Variants in ITIH3 observed in about 807,000 individuals in gnomAD.
The protein encoded by ITIH3 is inter-alpha-trypsin inhibitor heavy chain 3, also known as inter-alpha-trypsin inhibitor heavy chain H3.
Under a neutral mutation model 96.5 loss-of-function variants are expected in ITIH3, and 81 were observed. The ratio of observed to expected loss-of-function variants is 0.84; its 90% CI spans 0.70 to 1.01. The LOEUF (loss-of-function observed/expected upper bound fraction) is 1.01, where lower values mean the gene tolerates loss of function less well. Among genes scored for constraint, ITIH3 ranks in the 50% least tolerant of loss-of-function variants. The pLI, the probability that ITIH3 is intolerant of heterozygous loss-of-function variation, is 0.00. For synonymous variants in ITIH3, 422 were observed against 445.2 expected (o/e 0.95, Z 0.66); for missense variants, 1,057 against 1,139.3 (o/e 0.93, Z 1.04).
chr3:52,806,256 G>A, intron 17 of ITIH3, 37 bp from the exon 18 acceptor site: 1 of 1,602,976 alleles, frequency 6.2e-7, no homozygotes, highest in Non-Finnish European at 8.5e-7. Context: ...ATGATGAGAG[G>A]CCCCGGGAGT....
chr3:52,796,775 G>T lies in ITIH3; in HGVS notation c.318G>T (p.Lys106Asn), dbSNP rs1559469958. ...GTGTTACCTACCCTGGGAATGTCAA[G>T]GAGAAGGAAGTTGCCAAGAAGCAGT... is the stretch of plus-strand genomic sequence containing the variant. ...IDGVTYPGNVKEKEVAKKQYE... is the reference protein window; with the variant it reads ...IDGVTYPGNVNEKEVAKKQYE... The change falls in exon 4 of 22, where the codon AAG (lysine) becomes AAT (asparagine). Residue 106 changes from lysine (K) to asparagine (N), a missense_variant. Coordinates refer to ENST00000449956, the MANE Select transcript of ITIH3 (RefSeq NM_002217.4). 6.2e-7 allele frequency: 1 copy of T among 1,613,050 alleles called. No individual in the cohort carries two copies. Among genetic ancestry groups the T allele is most frequent in the South Asian group, 1.1e-5 (1 of 90,792 alleles).
intron 15 of ITIH3, chr3:52,805,303 T>C (rs1259035063): frequency 1.6e-5 from 16 of 1,005,692 alleles, no homozygotes; most frequent in Admixed American, 5.4e-5. Flanking sequence ...CCACCTCCAT[T>C]TGGACTGGCA....
In ITIH3 at chr3:52,799,921, A is replaced by G; in HGVS notation, c.1075A>G (p.Met359Val). 6.2e-7 allele frequency: 1 copy of G among 1,613,170 alleles called. No homozygotes were observed. The highest frequency in any genetic ancestry group is 1.3e-5 in the African/African-American group (1 of 75,004). Reference protein sequence around the residue: ...TFVKSMEDKGMTNINDGLLRG... With the variant: ...TFVKSMEDKGVTNINDGLLRG... ...TGTGAAGAGCATGGAGGATAAAGGA[A>G]GTAAGAGCGGAGCTGGAGCCCACAC... Residue 359 changes from methionine (M) to valine (V), a missense_variant and splice_region_variant, in exon 9 of 22, where the codon ATG becomes GTG. Physicochemically the swap from Met to Val is conservative, Grantham distance 21. Coordinates refer to ENST00000449956, the MANE Select transcript of ITIH3 (RefSeq NM_002217.4).
rs1167682463 is a variant in ITIH3 at position 52,795,519 on chromosome 3, T to G, written c.94-84T>G. ...GCAGGGCACCACTGAACCCCTGGTC[T>G]CAGCCCAGAGCCTCCCAGGCCATGC... is the stretch of plus-strand genomic sequence containing the variant. On this transcript the variant is annotated intron_variant, in intron 1 of 21. Transcript: ENST00000449956. 8 of 1,482,012 alleles carry G rather than the reference T, an allele frequency of 5.4e-6. No homozygotes were observed. In the Admixed American group the frequency reaches 8.0e-5, roughly 15 times the overall value. The allele number at this position is 1,482,012 out of a possible 1,614,324, so 91.8% of individuals were successfully genotyped here.
At chr3:52,802,004 TCTTA>T (rs919510726) in intron 11 of ITIH3, among the ~76,000 whole-genome samples, 2 of 144,318 alleles carry the variant, frequency 1.4e-5, no homozygotes, top group African/African-American at 2.9e-5. Context: ...CATCTGCCTC[TCTTA>T]CTTCCTTTTC....
intron 12 of ITIH3, 60 bp downstream of exon 12, chr3:52,802,579 C>T (rs1699878327): frequency 6.2e-7 from 1 of 1,610,914 alleles, no homozygotes; most frequent in African/African-American, 1.3e-5. Context: ...TGGTAGGGCT[C>T]TGGCCTCATG....
In ITIH3 at chr3:52,806,139, G is replaced by A. The variant is rs111816261; in HGVS notation, c.1942+1G>A. The A allele has an allele frequency of 1.2e-6, 2 of 1,602,602 alleles. No homozygotes were observed. The highest frequency in any genetic ancestry group is 2.2e-5 in the South Asian group (2 of 89,030). ...CCTCCTCAAAACCCCTACTACTATG[G>A]TGAGTCCCTGGCTGCTCCTCGGGAA... On this transcript the variant is annotated splice_donor_variant, in intron 17 of 21. Transcript: ENST00000449956. LOFTEE classifies it high-confidence loss of function.
rs1221158213 is a variant in ITIH3, at chr3:52,798,960, C to A, written c.664-6C>A. 6.2e-7 allele frequency: 1 copy of A among 1,612,654 alleles called. No homozygotes were observed. Among genetic ancestry groups the A allele is most frequent in the South Asian group, 1.1e-5 (1 of 90,626 alleles). On this transcript the variant is annotated splice_polypyrimidine_tract_variant and splice_region_variant and intron_variant, in intron 6 of 21. Transcript: ENST00000449956. ...CTGAGCAAGGTCTTTCATCTCCATC[C>A]CTTAGGGCCATGTGTCCTTCAAGCC...
chr3:52,800,459 C>T (rs960765136), intron 9 of ITIH3, 79 bp from the exon 10 acceptor site: 27 of 1,524,550 alleles, frequency 1.8e-5, no homozygotes, highest in Admixed American at 1.6e-4. Flanking sequence ...CCGGCTGTCC[C>T]GGCCTCCTCC....
intron 1 of ITIH3, 148 bp from the exon 2 acceptor site, chr3:52,795,455 G>A: frequency 8.1e-6 from 6 of 741,792 alleles, no homozygotes; most frequent in East Asian, 5.4e-5. Flanking sequence ...TGTGGCTCTG[G>A]AGGGTCCTAT....
At position 52,808,602 on chromosome 3, in the gene ITIH3, T is replaced by C. The variant is rs750367368; in HGVS notation, c.2594T>C (p.Val865Ala). The C allele has an allele frequency of 3.1e-6, 5 of 1,614,056 alleles. No homozygotes were observed. Among genetic ancestry groups the C allele is most frequent in the Non-Finnish European group, 3.4e-6 (4 of 1,179,886 alleles). ...GATGCCAGCATCGGCACGAAGGTTG[T>C]CTGCTGGTTCGTCCACAACAACGGA... ...RKDASIGTKVVCWFVHNNGEG... is the reference protein window; with the variant it reads ...RKDASIGTKVACWFVHNNGEG... The change falls in exon 22 of 22, where the codon GTC becomes GCC. Residue 865 changes from valine (V) to alanine (A), a missense_variant. Physicochemically the swap from Val to Ala is moderately conservative, Grantham distance 64 (BLOSUM62 0). Transcript: ENST00000449956.
At chr3:52,804,448 G>C in intron 14 of ITIH3, 1 of 479,650 alleles carries the variant, frequency 2.1e-6, no homozygotes, top group East Asian at 3.7e-5. Context: ...CTCAACAGGG[G>C]GTCCCAAATG....
At position 52,808,563 on chromosome 3, in the gene ITIH3, A is replaced by C. The variant is rs1700138881; in HGVS notation, c.2555A>C (p.Lys852Thr). The change falls in exon 22 of 22, where the codon AAA (lysine) becomes ACA (threonine). Residue 852 changes from lysine to threonine, a missense_variant. Physicochemically the swap from Lys to Thr is moderately conservative, Grantham distance 78 (BLOSUM62 -1). Coordinates refer to ENST00000449956, the MANE Select transcript of ITIH3 (RefSeq NM_002217.4). ...HQLIVTRGSQ[K>T]DYRKDASIGT... ...TCTTCTTTCCCCAGGGGCTCCCAGA[A>C]AGACTACAGAAAGGATGCCAGCATC... 1 of 1,613,682 alleles carries C rather than the reference A, an allele frequency of 6.2e-7. No individual in the cohort carries two copies. Among genetic ancestry groups the C allele is most frequent in the Non-Finnish European group, 8.5e-7 (1 of 1,179,750 alleles).
In ITIH3 at chr3:52,803,882, G is replaced by A; in HGVS notation, c.1737G>A (p.Glu579=). The A allele has an allele frequency of 6.2e-7, 1 of 1,614,008 alleles. No homozygotes were observed. The highest frequency in any genetic ancestry group is 1.6e-4 in the Middle Eastern group (1 of 6,062). The part of the protein sequence containing the change: ...KRKNAHGEEK[E]NLTARALDLS... Reference sequence around the variant, plus strand: ...AGAACGCCCATGGCGAGGAGAAGGAGAACCTCACGGCCCGGGCCCTGGACC... The same window carrying A: ...AGAACGCCCATGGCGAGGAGAAGGAAAACCTCACGGCCCGGGCCCTGGACC... The change falls in exon 14 of 22, where the codon GAG becomes GAA. Residue 579 remains glutamate, a synonymous_variant. Coordinates refer to ENST00000449956, the MANE Select transcript of ITIH3 (RefSeq NM_002217.4).
chr3:52,800,801 G>A (rs1699803273), intron 10 of ITIH3, 138 bp downstream of exon 10: 10 of 1,457,394 alleles, frequency 6.9e-6, no homozygotes, highest in South Asian at 2.6e-5. Flanking sequence ...CAAGGGCAGG[G>A]TCCTGCCTCC....
At chr3:52,805,634 C>T in intron 15 of ITIH3, 174 bp from the exon 16 acceptor site, 1 of 1,424,722 alleles carries the variant, frequency 7.0e-7, no homozygotes. Flanking sequence ...CCATAAAGGG[C>T]TTCCCTGGAC....
intron 1 of ITIH3, 117 bp downstream of exon 1, chr3:52,795,013 C>T: frequency 1.2e-6 from 1 of 835,126 alleles, no homozygotes; most frequent in East Asian, 2.5e-5. Context: ...CACTGAGCTG[C>T]TGGGAGTAGT....
At chr3:52,802,592 G>C (rs538315127) in intron 12 of ITIH3, 73 bp downstream of exon 12, 2 of 1,611,018 alleles carry the variant, frequency 1.2e-6, no homozygotes, top group Admixed American at 3.3e-5. Flanking sequence ...GCCTCATGAG[G>C]GTCCAGGAGT....
At chr3:52,808,047 C>T in intron 20 of ITIH3, 63 bp from the exon 21 acceptor site, 1 of 1,587,326 alleles carries the variant, frequency 6.3e-7, no homozygotes, top group Non-Finnish European at 8.6e-7. Flanking sequence ...CCCTGAAAGG[C>T]CAGTGGCCAC....
Sources: gnomAD v4.1 joint callset for allele counts (sites outside exome capture counted in the v4.1 genomes callset) on GRCh38, gnomAD v4.1.1 for gene constraint, MANE v1.5 for transcripts, NCBI Gene and HGNC (gene_info 2026-07-23, HGNC 2026-07-21) for gene names.